The following CDH7 variants were observed in gnomAD, a reference collection of about 807,000 sequenced individuals.
The protein encoded by CDH7 is cadherin 7.
In CDH7, 25 loss-of-function variants were observed where a neutral mutation model predicts 71.8. The ratio of observed to expected loss-of-function variants is 0.35; its 90% confidence interval spans 0.25 to 0.49. The LOEUF is 0.49. Among genes scored for constraint, CDH7 ranks in the 20% least tolerant of loss-of-function variants. CDH7 has a pLI of 0.99. For missense variants in CDH7, 862 were observed against 974.6 expected (o/e 0.88, Z 1.54); for synonymous variants, 381 against 363.8 (o/e 1.05, Z -0.54).
intron 6 of CDH7, among the ~76,000 whole-genome samples, chr18:65,828,883 C>A (rs1027487976): frequency 3.9e-5 from 6 of 152,136 alleles, no homozygotes; most frequent in Non-Finnish European, 1.5e-5. Flanking sequence ...TATCCTCAAA[C>A]ATTGTTCATA....
Position 65,862,726 on chromosome 18 carries a change from A to G in CDH7, c.1673A>G (p.Tyr558Cys), listed in dbSNP as rs373560839. The part of the protein sequence containing the change: ...NGFRRQEQSV[Y>C]YLPIFIVDSG... ...TTCCGGAGACAGGAACAATCAGTTT[A>G]CTATCTGCCAATTTTCATTGTGGAC... The change falls in exon 11 of 12, where the codon TAC becomes TGC. Residue 558 changes from tyrosine to cysteine, a missense_variant. Physicochemically the swap from Tyr to Cys is radical, Grantham distance 194. Transcript: ENST00000397968. 1 of 1,613,972 alleles carries G rather than the reference A, an allele frequency of 6.2e-7. No homozygotes were observed. Among genetic ancestry groups the G allele is most frequent in the Non-Finnish European group, 8.5e-7 (1 of 1,179,950 alleles).
intron 7 of CDH7, among the ~76,000 whole-genome samples, chr18:65,853,926 T>TATATATATATCC (rs1555689498): frequency 3.7e-4 from 35 of 95,046 alleles, no homozygotes; most frequent in African/African-American, 8.5e-4. Flanking sequence ...TATATATATA[T>TATATATATATCC]ATATATATAT....
chr18:65,762,298 A>G (rs1282035393), intron 1 of CDH7, among the ~76,000 whole-genome samples: 2 of 152,212 alleles, frequency 1.3e-5, no homozygotes, highest in African/African-American at 4.8e-5. Flanking sequence ...TAAAAGAAAA[A>G]AAATAAAGGC....
chr18:65,880,665 T>G lies in CDH7; in HGVS notation c.2129T>G (p.Phe710Cys), dbSNP rs916014230. The change falls in exon 12 of 12, where the codon TTT becomes TGT. Residue 710 changes from phenylalanine (F) to cysteine (C), a missense_variant. Physicochemically the swap from Phe to Cys is radical, Grantham distance 205. Coordinates refer to ENST00000397968, the MANE Select transcript of CDH7 (RefSeq NM_004361.5). ...SIPDNVIFRE[F>C]IWERLKEADV... ...CCAGATAATGTCATCTTTAGGGAATTTATTTGGGAAAGATTAAAAGAAGCC... is the reference window on the plus strand; with the variant it reads ...CCAGATAATGTCATCTTTAGGGAATGTATTTGGGAAAGATTAAAAGAAGCC... The G allele has an allele frequency of 6.2e-7, 1 of 1,613,810 alleles. No homozygotes were observed. The highest frequency in any genetic ancestry group is 1.3e-5 in the African/African-American group (1 of 74,814).
intron 11 of CDH7, among the ~76,000 whole-genome samples, chr18:65,870,820 T>C (rs968654939): frequency 1.3e-5 from 2 of 152,222 alleles, no homozygotes; most frequent in African/African-American, 4.8e-5. Flanking sequence ...GTTTGTTTTC[T>C]TTGCTCAAAT....
At position 65,857,095 on chromosome 18, in the gene CDH7, G is replaced by A. The variant is rs77450249; in HGVS notation, c.1236-721G>A. Among the ~76,000 whole-genome samples the A allele has an allele frequency of 8.6e-3, 1,307 of 151,520 alleles. 23 individuals carry two copies. Among genetic ancestry groups the A allele is most frequent in the African/African-American group, 0.03 (1,223 of 41,336 alleles). On this transcript the variant is annotated intron_variant, in intron 7 of 11. Coordinates refer to ENST00000397968, the MANE Select transcript of CDH7 (RefSeq NM_004361.5). ...AGATATTACTAAGTATATGCAAATG[G>A]GCAAGATGTTTACATGTTTCATTTT...
intron 2 of CDH7, among the ~76,000 whole-genome samples, chr18:65,789,104 G>A (rs1223495125): frequency 6.6e-6 from 1 of 152,184 alleles, no homozygotes; most frequent in Non-Finnish European, 1.5e-5. Context: ...CCTGCAGATT[G>A]TAATATGAGG....
At chr18:65,790,510 G>C (rs1910676057) in intron 2 of CDH7, among the ~76,000 whole-genome samples, 1 of 151,984 alleles carries the variant, frequency 6.6e-6, no homozygotes, top group African/African-American at 2.4e-5. Flanking sequence ...CACCCAAGTA[G>C]TCAGGAATAC....
intron 2 of CDH7, among the ~76,000 whole-genome samples, chr18:65,767,172 A>T (rs1236461766): frequency 6.6e-6 from 1 of 151,512 alleles, no homozygotes; most frequent in Non-Finnish European, 1.5e-5. Context: ...AGTAGAAATC[A>T]AATACACAGA....
At chr18:65,762,433 G>A (rs554097940) in intron 1 of CDH7, among the ~76,000 whole-genome samples, 14 of 152,214 alleles carry the variant, frequency 9.2e-5, no homozygotes, top group African/African-American at 3.4e-4. Context: ...AGATAGTTCT[G>A]CATCAGCTGT....
At chr18:65,828,054 A>T (rs1462413893) in intron 6 of CDH7, among the ~76,000 whole-genome samples, 1 of 151,724 alleles carries the variant, frequency 6.6e-6, no homozygotes, top group Non-Finnish European at 1.5e-5. Context: ...CTGAGTAGAT[A>T]CTAGATAGTG....
intron 6 of CDH7, among the ~76,000 whole-genome samples, chr18:65,827,220 G>A (rs1912164309): frequency 6.6e-6 from 1 of 151,658 alleles, no homozygotes; most frequent in African/African-American, 2.4e-5. Context: ...TTTCTTAAAT[G>A]ACTTCTAATA....
At chr18:65,771,403 G>T (rs1333102602) in intron 2 of CDH7, among the ~76,000 whole-genome samples, 1 of 152,066 alleles carries the variant, frequency 6.6e-6, no homozygotes, top group Non-Finnish European at 1.5e-5. Context: ...ATTTTGAGAG[G>T]CTGAGATGTG....
intron 7 of CDH7, among the ~76,000 whole-genome samples, chr18:65,848,889 A>G (rs1391818039): frequency 6.6e-6 from 1 of 152,206 alleles, no homozygotes; most frequent in Non-Finnish European, 1.5e-5. Context: ...ATAAAAAGTG[A>G]TAATATTATG....
At chr18:65,845,810 C>A (rs1414342852) in intron 7 of CDH7, among the ~76,000 whole-genome samples, 1 of 151,944 alleles carries the variant, frequency 6.6e-6, no homozygotes, top group Non-Finnish European at 1.5e-5. Context: ...GTAGTTCTAG[C>A]AACTTGGGAG....
intron 7 of CDH7, among the ~76,000 whole-genome samples, chr18:65,855,393 AGAG>A (rs938224415): frequency 9.2e-5 from 14 of 151,946 alleles, no homozygotes; most frequent in African/African-American, 1.9e-4. Context: ...TAAGAACAAA[AGAG>A]GAGATGTTAC....
At chr18:65,778,522 T>C (rs982940846) in intron 2 of CDH7, among the ~76,000 whole-genome samples, 1 of 145,460 alleles carries the variant, frequency 6.9e-6, no homozygotes, top group Non-Finnish European at 1.5e-5. Context: ...GCCCCAGGCG[T>C]CTCACTCTTT....
intron 11 of CDH7, chr18:65,863,205 C>T (rs1599060533): frequency 4.7e-6 from 2 of 422,184 alleles, no homozygotes; most frequent in Non-Finnish European, 4.3e-6. Context: ...ACCCAGCTAA[C>T]TTTTGTATCT....
intron 2 of CDH7, among the ~76,000 whole-genome samples, chr18:65,798,910 C>T (rs1911013194): frequency 6.6e-6 from 1 of 151,996 alleles, no homozygotes; most frequent in South Asian, 2.1e-4. Flanking sequence ...TCGTGACGTG[C>T]CCTAGAGTCA....
Sources: allele counts gnomAD v4.1 joint callset (sites outside exome capture counted in the v4.1 genomes callset), GRCh38; gene constraint gnomAD v4.1.1; transcripts MANE v1.5; gene names NCBI Gene and HGNC (gene_info 2026-07-23, HGNC 2026-07-21).